The following RBMS2 variants were observed in gnomAD, a reference collection of about 807,000 sequenced individuals.
The protein encoded by RBMS2 is RNA binding motif single stranded interacting protein 2.
RBMS2 carries 38 observed loss-of-function variants against 58.4 expected under a neutral mutation model. The ratio of observed to expected loss-of-function variants is 0.65; its 90% CI spans 0.50 to 0.85. The LOEUF (loss-of-function observed/expected upper bound fraction) is 0.85, where lower values mean the gene tolerates loss of function less well. Among genes scored for constraint, RBMS2 ranks in the 40% least tolerant of loss-of-function variants. The pLI is 0.00. For synonymous variants in RBMS2, 151 were observed against 180.7 expected, an observed-to-expected ratio of 0.84 and a Z score of 1.32; for missense variants, 367 against 503.7, an observed-to-expected ratio of 0.73 and a Z score of 2.60.
intron 2 of RBMS2, among the ~76,000 whole-genome samples, chr12:56,567,456 A>G (rs922293688): frequency 6.6e-6 from 1 of 151,744 alleles, no homozygotes; most frequent in African/African-American, 2.4e-5. Flanking sequence ...AGAAGAAGAA[A>G]GAAGAAGAAG....
intron 1 of RBMS2, among the ~76,000 whole-genome samples, chr12:56,553,395 C>G (rs909972577): frequency 6.6e-6 from 1 of 152,006 alleles, no homozygotes; most frequent in East Asian, 1.9e-4. Flanking sequence ...GTGGTGTGAT[C>G]TCTACTCACT....
At chr12:56,524,051 A>T (rs1872215668) in intron 1 of RBMS2, among the ~76,000 whole-genome samples, 1 of 152,134 alleles carries the variant, frequency 6.6e-6, no homozygotes, top group Non-Finnish European at 1.5e-5. Context: ...TAGAGGTTTC[A>T]CGTATTTGAA....
At chr12:56,560,586 G>A (rs1880220662) in intron 1 of RBMS2, among the ~76,000 whole-genome samples, 1 of 151,390 alleles carries the variant, frequency 6.6e-6, no homozygotes, top group African/African-American at 2.4e-5. Flanking sequence ...GTAGAGATGG[G>A]GTCTTGTTAT....
At chr12:56,549,993 T>G (rs1399026508) in intron 1 of RBMS2, among the ~76,000 whole-genome samples, 1 of 151,496 alleles carries the variant, frequency 6.6e-6, no homozygotes, top group Non-Finnish European at 1.5e-5. Flanking sequence ...GCCATTGCAC[T>G]CCAGCCTGGG....
Position 56,569,001 on chromosome 12 carries a change from C to A in RBMS2, c.260C>A (p.Ala87Asp). ...QPYGKIVSTKAILDKTTNKCK... is the reference protein window; with the variant it reads ...QPYGKIVSTKDILDKTTNKCK... ...TATGGCAAGATTGTTTCCACTAAGGCCATACTGGACAAGACCACAAACAAA... is the reference window on the plus strand; with the variant it reads ...TATGGCAAGATTGTTTCCACTAAGGACATACTGGACAAGACCACAAACAAA... The change falls in exon 3 of 14, where the codon GCC becomes GAC. Residue 87 changes from alanine (A) to aspartate (D), a missense_variant. Around this residue, in one of 3 missense-constraint regions of RBMS2, gnomAD observed 93 missense variants for 132.2 expected, o/e 0.70. Coordinates refer to ENST00000262031, the MANE Select transcript of RBMS2 (RefSeq NM_002898.4). 1 of 1,613,172 alleles carries A rather than the reference C, an allele frequency of 6.2e-7. No homozygotes were observed. The highest frequency in any genetic ancestry group is 8.5e-7 in the Non-Finnish European group (1 of 1,179,166).
At chr12:56,546,330 T>C (rs1209400269) in intron 1 of RBMS2, among the ~76,000 whole-genome samples, 2 of 86,270 alleles carry the variant, frequency 2.3e-5, no homozygotes, top group Non-Finnish European at 5.0e-5. Flanking sequence ...AAAATAATAA[T>C]ACATTATAAT....
chr12:56,569,062 A>G, intron 3 of RBMS2, 29 bp downstream of exon 3: 1 of 1,582,090 alleles, frequency 6.3e-7, no homozygotes, highest in Non-Finnish European at 8.7e-7. Flanking sequence ...TTGGTGTTGG[A>G]GAGCACCAGT....
intron 9 of RBMS2, among the ~76,000 whole-genome samples, chr12:56,584,763 C>T (rs886492237): frequency 1.0e-4 from 15 of 150,404 alleles, no homozygotes; most frequent in African/African-American, 3.7e-4. Context: ...CCAGCCTCGG[C>T]GACAGAGTGA....
intron 1 of RBMS2, among the ~76,000 whole-genome samples, chr12:56,531,341 A>G (rs935414954): frequency 1.3e-5 from 2 of 152,170 alleles, no homozygotes; most frequent in African/African-American, 4.8e-5. Context: ...TAGGCACTAA[A>G]TCAAGGTTAA....
At chr12:56,588,593 T>A (rs958910554) in intron 12 of RBMS2, 8 of 586,032 alleles carry the variant, frequency 1.4e-5, no homozygotes, top group Non-Finnish European at 2.1e-5. Context: ...AAGGATGACA[T>A]GCAAATTTGT....
chr12:56,569,812 T>C, intron 3 of RBMS2, 87 bp from the exon 4 acceptor site: 1 of 1,150,308 alleles, frequency 8.7e-7, no homozygotes, highest in Non-Finnish European at 1.3e-6. Flanking sequence ...ACATGGATCA[T>C]AACTCTTCCT....
rs560231667 is a variant in RBMS2 at position 56,586,564 on chromosome 12, T to A, written c.874-285T>A. 2.6e-5 allele frequency among the ~76,000 whole-genome samples: 4 copies of A among 152,210 alleles called. No homozygotes were observed. The South Asian group carries it at 8.3e-4, about 32-fold the overall frequency. Reference sequence around the variant, plus strand: ...AGAGATATCTTTCCAAACCCTTTTTTTTTTTTACTAATTTTTTTAGTGACA... The same window carrying A: ...AGAGATATCTTTCCAAACCCTTTTTATTTTTTACTAATTTTTTTAGTGACA... On this transcript the variant is annotated intron_variant, in intron 9 of 13. Coordinates refer to ENST00000262031, the MANE Select transcript of RBMS2 (RefSeq NM_002898.4).
chr12:56,571,969 T>G, intron 5 of RBMS2, 114 bp downstream of exon 5: 7 of 1,125,698 alleles, frequency 6.2e-6, no homozygotes, highest in Non-Finnish European at 7.1e-6. Flanking sequence ...TTTACTATTA[T>G]TCAAAAATAC....
At chr12:56,583,906 A>C (rs973394242) in intron 9 of RBMS2, among the ~76,000 whole-genome samples, 1 of 152,140 alleles carries the variant, frequency 6.6e-6, no homozygotes, top group African/African-American at 2.4e-5. Context: ...ATTTTTTTCC[A>C]ATTTTATTTT....
chr12:56,590,121 T>G lies in RBMS2; in HGVS notation c.*988T>G, dbSNP rs891412466. ...ACTGACTTTTATCAACTCTTCTCAC[T>G]GCCAAGGCCAACAGCATCTGAGGTA... On this transcript the variant is annotated 3_prime_UTR_variant, in exon 14 of 14. Coordinates refer to ENST00000262031, the MANE Select transcript of RBMS2 (RefSeq NM_002898.4). The G allele has an allele frequency of 2.0e-5, 3 of 152,268 alleles. No homozygotes were observed. In the South Asian group the frequency reaches 6.2e-4, roughly 31 times the overall value. 9.4% of individuals were successfully genotyped at this position (152,268 alleles called of 1,614,324 possible). A position where few individuals can be genotyped will look rare whatever the true frequency, so the allele number is the denominator to read the frequency against.
At chr12:56,534,475 A>G (rs1874379011) in intron 1 of RBMS2, among the ~76,000 whole-genome samples, 1 of 152,166 alleles carries the variant, frequency 6.6e-6, no homozygotes, top group Non-Finnish European at 1.5e-5. Context: ...GTTTCCATCA[A>G]CAATGTATAA....
intron 1 of RBMS2, chr12:56,527,806 G>A (rs1481096180): frequency 2.3e-5 from 3 of 131,608 alleles, no homozygotes; most frequent in Admixed American, 9.9e-5. Flanking sequence ...GGCCAGTTAC[G>A]TTAATGCAGT....
chr12:56,564,831 GGGT>G (rs1881048296), intron 2 of RBMS2, among the ~76,000 whole-genome samples: 1 of 152,110 alleles, frequency 6.6e-6, no homozygotes, highest in African/African-American at 2.4e-5. Flanking sequence ...AAAATTAGCT[GGGT>G]GTGGTGGTGG....
chr12:56,527,021 G>T (rs1232268183), intron 1 of RBMS2, among the ~76,000 whole-genome samples: 1 of 152,154 alleles, frequency 6.6e-6, no homozygotes, highest in South Asian at 2.1e-4. Context: ...ATGGGGAGTA[G>T]GAGGTGATGA....
Sources: allele counts gnomAD v4.1 joint callset (sites outside exome capture counted in the v4.1 genomes callset), GRCh38; gene constraint gnomAD v4.1.1; regional missense constraint gnomAD v4.1.1; transcripts MANE v1.5; gene names NCBI Gene and HGNC (gene_info 2026-07-23, HGNC 2026-07-21).